Variants in EML4 observed in about 807,000 individuals in gnomAD.
EML4 encodes echinoderm microtubule-associated protein-like 4.
EML4 carries 72 observed loss-of-function variants against 129.0 expected under a neutral mutation model. That is an observed-to-expected ratio of 0.56 (90% CI 0.46 to 0.68). The LOEUF (loss-of-function observed/expected upper bound fraction) is 0.68, where lower values mean the gene tolerates loss of function less well. Among genes scored for constraint, EML4 ranks in the 30% least tolerant of loss-of-function variants. The pLI, the probability that EML4 is intolerant of heterozygous loss-of-function variation, is 0.00. For synonymous variants in EML4, 532 were observed against 405.0 expected (o/e 1.31, Z -3.77); for missense variants, 1,363 against 1,190.6 (o/e 1.14, Z -2.13).
At chr2:42,221,796 G>A (rs1020717556) in intron 1 of EML4, among the ~76,000 whole-genome samples, 1 of 151,940 alleles carries the variant, frequency 6.6e-6, no homozygotes, top group African/African-American at 2.4e-5. Context: ...TAGAGACAAG[G>A]TTTCGTCGTG....
At chr2:42,291,205 C>G (rs961640537) in intron 11 of EML4, among the ~76,000 whole-genome samples, 5 of 152,036 alleles carry the variant, frequency 3.3e-5, no homozygotes, top group African/African-American at 1.2e-4. Flanking sequence ...TTACCTTGAC[C>G]CCTCCCTCAC....
intron 6 of EML4, among the ~76,000 whole-genome samples, chr2:42,270,621 A>G (rs1558560825): frequency 1.3e-5 from 2 of 152,250 alleles, no homozygotes; most frequent in East Asian, 1.9e-4. Flanking sequence ...ATAAAGATAT[A>G]TAATAGCGGT....
At chr2:42,204,139 C>G (rs1465141707) in intron 1 of EML4, among the ~76,000 whole-genome samples, 4 of 152,072 alleles carry the variant, frequency 2.6e-5, no homozygotes, top group African/African-American at 7.2e-5. Context: ...AGGCTGGTCT[C>G]AAACTCCTGG....
intron 1 of EML4, among the ~76,000 whole-genome samples, chr2:42,177,040 G>C (rs1202391751): frequency 6.6e-6 from 1 of 152,058 alleles, no homozygotes; most frequent in South Asian, 2.1e-4. Context: ...TGATCTGCCC[G>C]CTGAGGCCTC....
intron 1 of EML4, among the ~76,000 whole-genome samples, chr2:42,234,652 C>T (rs1000388778): frequency 2.6e-5 from 4 of 152,174 alleles, no homozygotes; most frequent in African/African-American, 9.7e-5. Flanking sequence ...AAACTACTTA[C>T]TTTATAAACA....
chr2:42,265,044 T>C (rs376291724), intron 6 of EML4: 1 of 1,233,490 alleles, frequency 8.1e-7, no homozygotes, highest in African/African-American at 1.5e-5. Flanking sequence ...CCTGACTTTC[T>C]TCCTTAAAAA....
At chr2:42,295,544 T>C in intron 13 of EML4, 28 bp downstream of exon 13, 1 of 1,599,132 alleles carries the variant, frequency 6.3e-7, no homozygotes, top group Non-Finnish European at 8.5e-7. Flanking sequence ...TAAACTCATT[T>C]CTGGTAATTC....
At chr2:42,178,070 T>C (rs942356848) in intron 1 of EML4, among the ~76,000 whole-genome samples, 1 of 152,206 alleles carries the variant, frequency 6.6e-6, no homozygotes, top group Non-Finnish European at 1.5e-5. Context: ...GCTATGTCTT[T>C]GACAAGTTTT....
chr2:42,316,363 TA>T (rs1003493515), intron 18 of EML4, among the ~76,000 whole-genome samples: 5 of 152,236 alleles, frequency 3.3e-5, no homozygotes, highest in African/African-American at 7.2e-5. Context: ...GGTATTAGGC[TA>T]AATGTCACAT....
chr2:42,265,718 C>A (rs974145168), intron 6 of EML4, among the ~76,000 whole-genome samples: 1 of 152,108 alleles, frequency 6.6e-6, no homozygotes. Flanking sequence ...GTCTTGCCAA[C>A]TTCATTGCAA....
rs1572705379 is a variant in EML4, at chr2:42,294,081, A to G, written c.1219-1044A>G. On this transcript the variant is annotated intron_variant, in intron 11 of 22. Transcript: ENST00000318522. Reference sequence around the variant, plus strand: ...AAGTTTGAGTAGATGATTTTACTATAAAATATCAATTTAGTGAGAATTATG... The same window carrying G: ...AAGTTTGAGTAGATGATTTTACTATGAAATATCAATTTAGTGAGAATTATG... Among the ~76,000 whole-genome samples the G allele has an allele frequency of 2.0e-5, 3 of 152,362 alleles. No individual in the cohort carries two copies. The South Asian group carries it at 6.2e-4, about 32-fold the overall frequency.
At chr2:42,229,653 A>G (rs1021132750) in intron 1 of EML4, among the ~76,000 whole-genome samples, 2 of 152,142 alleles carry the variant, frequency 1.3e-5, no homozygotes, top group Admixed American at 6.6e-5. Flanking sequence ...AGGGAAGTAA[A>G]GTAGATTTTT....
chr2:42,254,235 G>C (rs1229798911), intron 2 of EML4, among the ~76,000 whole-genome samples: 1 of 152,102 alleles, frequency 6.6e-6, no homozygotes, highest in Admixed American at 6.5e-5. Context: ...CAGGTGGATT[G>C]CTTGAACCTA....
At position 42,238,481 on chromosome 2, in the gene EML4, G is replaced by A. The variant is rs569049764; in HGVS notation, c.26-7024G>A. Among the ~76,000 whole-genome samples, 16 of 152,310 alleles carry A rather than the reference G, an allele frequency of 1.1e-4. No homozygotes were observed. In the South Asian group the frequency reaches 2.7e-3, roughly 26 times the overall value. ...AATGTGGTCTGGTGCAGTGGCTCATGCCTGTAATTCCAGCACTTTGGGAGG... is the reference window on the plus strand; with the variant it reads ...AATGTGGTCTGGTGCAGTGGCTCATACCTGTAATTCCAGCACTTTGGGAGG... On this transcript the variant is annotated intron_variant, in intron 1 of 22. Coordinates refer to ENST00000318522, the MANE Select transcript of EML4 (RefSeq NM_019063.5).
intron 1 of EML4, among the ~76,000 whole-genome samples, chr2:42,241,736 A>C (rs953100210): frequency 4.6e-5 from 7 of 152,222 alleles, no homozygotes; most frequent in African/African-American, 1.7e-4. Context: ...ATAAAATAAA[A>C]GGCACATAAG....
At chr2:42,250,575 A>C (rs373870121) in intron 2 of EML4, among the ~76,000 whole-genome samples, 20 of 152,102 alleles carry the variant, frequency 1.3e-4, no homozygotes, top group African/African-American at 4.3e-4. Flanking sequence ...GAAATGCATC[A>C]TTGGGCATTT....
intron 11 of EML4, among the ~76,000 whole-genome samples, chr2:42,290,068 C>CA (rs1262303110): frequency 6.6e-6 from 1 of 151,682 alleles, no homozygotes; most frequent in Non-Finnish European, 1.5e-5. Flanking sequence ...GCCTGGGCGA[C>CA]AGAGCAAGAC....
At chr2:42,282,696 C>G in intron 7 of EML4, 127 bp from the exon 8 acceptor site, 3 of 838,710 alleles carry the variant, frequency 3.6e-6, no homozygotes, top group Non-Finnish European at 5.8e-6. Context: ...CCGTCCAGGA[C>G]ATGAGTTTTC....
intron 1 of EML4, among the ~76,000 whole-genome samples, chr2:42,244,450 G>C (rs1219390251): frequency 6.6e-6 from 1 of 152,172 alleles, no homozygotes; most frequent in Admixed American, 6.5e-5. Context: ...AAATACAGTA[G>C]TATAGTCTAA....
Sources: allele counts gnomAD v4.1 joint callset (sites outside exome capture counted in the v4.1 genomes callset), GRCh38; gene constraint gnomAD v4.1.1; transcripts MANE v1.5; gene names NCBI Gene and HGNC (gene_info 2026-07-23, HGNC 2026-07-21).